Variants in GFRA1 observed in about 807,000 individuals in gnomAD.
GFRA1 encodes GDNF family receptor alpha-1.
In GFRA1, 16 loss-of-function variants were observed where a neutral mutation model predicts 51.6. The observed-to-expected ratio is 0.31, with a 90% CI of 0.21 to 0.47. GFRA1 has a LOEUF of 0.47. Ranked by LOEUF, GFRA1 falls within the 20% of genes least tolerant of loss-of-function variation. GFRA1 has a pLI of 1.00. For synonymous variants in GFRA1, 270 were observed against 241.3 expected, an observed-to-expected ratio of 1.12 and a Z score of -1.10; for missense variants, 530 against 594.3, an observed-to-expected ratio of 0.89 and a Z score of 1.13.
intron 4 of GFRA1, chr10:116,226,758 T>C: frequency 2.4e-6 from 1 of 421,304 alleles, no homozygotes; most frequent in Non-Finnish European, 4.8e-6. Context: ...ATAGAACCAG[T>C]GGCAGCCCTG....
At chr10:116,132,933 G>C (rs1361532285) in intron 5 of GFRA1, among the ~76,000 whole-genome samples, 1 of 151,958 alleles carries the variant, frequency 6.6e-6, no homozygotes, top group African/African-American at 2.4e-5. Context: ...CGCCTGCGTG[G>C]GAAGGCTTCT....
At chr10:116,249,652 C>A (rs543993755) in intron 4 of GFRA1, among the ~76,000 whole-genome samples, 1 of 152,264 alleles carries the variant, frequency 6.6e-6, no homozygotes, top group East Asian at 1.9e-4. Context: ...TGCTGGGCAC[C>A]AAATAGCTAT....
rs951383170 is a variant in GFRA1, at chr10:116,093,636, G to C, written c.1015+66C>G. 5 of 1,419,914 alleles carry C rather than the reference G, an allele frequency of 3.5e-6. No individual in the cohort carries two copies. In the African/African-American group the frequency reaches 5.6e-5, roughly 16 times the overall value. 88.0% of individuals were successfully genotyped at this position (1,419,914 alleles called of 1,614,324 possible). A position where few individuals can be genotyped will look rare whatever the true frequency, so the allele number is the denominator to read the frequency against. ...AGAGGTACAGGCACAAGGTACAAGA[G>C]GTACAGCTGGAGCTCGGAGAAGAAA... On this transcript the variant is annotated intron_variant, in intron 8 of 10. Coordinates refer to ENST00000355422, the MANE Select transcript of GFRA1 (RefSeq NM_005264.8).
chr10:116,168,671 TC>T (rs1177480386), intron 5 of GFRA1, among the ~76,000 whole-genome samples: 2 of 152,108 alleles, frequency 1.3e-5, no homozygotes, highest in Non-Finnish European at 2.9e-5. Context: ...AACAAGAAAT[TC>T]TTTTAGGGCC....
At chr10:116,186,646 C>G (rs1962748106) in intron 5 of GFRA1, among the ~76,000 whole-genome samples, 1 of 150,714 alleles carries the variant, frequency 6.6e-6, no homozygotes, top group Non-Finnish European at 1.5e-5. Flanking sequence ...TTTCTGTCTA[C>G]ACATGGGGGG....
chr10:116,259,519 A>G (rs1399639002), intron 4 of GFRA1, among the ~76,000 whole-genome samples: 2 of 152,152 alleles, frequency 1.3e-5, no homozygotes, highest in African/African-American at 4.8e-5. Context: ...CGTGTTCTGG[A>G]TTTTGGTTGT....
chr10:116,096,607 T>A, intron 7 of GFRA1, 48 bp downstream of exon 7: 2 of 989,056 alleles, frequency 2.0e-6, no homozygotes, highest in Non-Finnish European at 3.2e-6. Flanking sequence ...AGAACGCAGG[T>A]ATATGCAAAC....
chr10:116,235,034 C>T (rs1264182761), intron 4 of GFRA1, among the ~76,000 whole-genome samples: 1 of 152,132 alleles, frequency 6.6e-6, no homozygotes, highest in Admixed American at 6.5e-5. Context: ...CTGAGGCCTC[C>T]CCAGCCATGC....
chr10:116,220,294 C>T (rs1471644605), intron 4 of GFRA1, among the ~76,000 whole-genome samples: 1 of 152,146 alleles, frequency 6.6e-6, no homozygotes, highest in Non-Finnish European at 1.5e-5. Flanking sequence ...CCCCAACGCA[C>T]CCACCCAACA....
At chr10:116,250,842 G>A (rs564008364) in intron 4 of GFRA1, among the ~76,000 whole-genome samples, 4 of 152,166 alleles carry the variant, frequency 2.6e-5, no homozygotes, top group South Asian at 2.1e-4. Context: ...ACAGGGCAGC[G>A]GAAGGAGATA....
intron 5 of GFRA1, among the ~76,000 whole-genome samples, chr10:116,176,726 C>CTCCT (rs66897810): frequency 1.4e-3 from 181 of 130,608 alleles, no homozygotes; most frequent in Middle Eastern, 3.9e-3. Flanking sequence ...CCCTCCCTCC[C>CTCCT]TCCTTCCTTC....
chr10:116,088,014 G>A (rs564280515), intron 9 of GFRA1, among the ~76,000 whole-genome samples: 4 of 152,180 alleles, frequency 2.6e-5, no homozygotes, highest in African/African-American at 9.6e-5. Context: ...GTTTGACCTT[G>A]GGCTGTGCCA....
chr10:116,108,543 C>CT (rs112083745), intron 6 of GFRA1, among the ~76,000 whole-genome samples: 27,246 of 152,120 alleles, frequency 0.18, 2,483 homozygotes, highest in Middle Eastern at 0.23. Flanking sequence ...AATGTTTCTC[C>CT]TTTTTTTATT....
rs1248543577 is a variant in GFRA1 at position 116,060,771 on chromosome 10, C to A, written c.*3627G>T. On this transcript the variant is annotated 3_prime_UTR_variant, in exon 11 of 11. Transcript: ENST00000355422. ...AACACGTGAATTCATTTAAGCAGCC[C>A]TTTTCTGGTCCACAGTTTATTGATT... 6.6e-6 allele frequency: 1 copy of A among 152,056 alleles called. No individual in the cohort carries two copies. Among genetic ancestry groups the A allele is most frequent in the African/African-American group, 2.4e-5 (1 of 41,360 alleles). The allele number at this position is 152,056 out of a possible 1,614,324, so 9.4% of individuals were successfully genotyped here.
At chr10:116,065,306 T>C (rs532599921) in intron 10 of GFRA1, among the ~76,000 whole-genome samples, 4 of 152,176 alleles carry the variant, frequency 2.6e-5, no homozygotes, top group Non-Finnish European at 5.9e-5. Flanking sequence ...TTTACATGAC[T>C]GTGATCACAG....
At chr10:116,189,208 T>C (rs1963027216) in intron 5 of GFRA1, among the ~76,000 whole-genome samples, 2 of 151,886 alleles carry the variant, frequency 1.3e-5, no homozygotes, top group African/African-American at 4.8e-5. Context: ...AAAGGTGGGA[T>C]ACACCTTCTT....
intron 7 of GFRA1, among the ~76,000 whole-genome samples, chr10:116,094,135 G>C (rs901500206): frequency 1.3e-5 from 2 of 152,114 alleles, no homozygotes; most frequent in African/African-American, 2.4e-5. Flanking sequence ...CTTAGAGAAC[G>C]CATGAGTTGC....
chr10:116,202,105 A>G (rs1964381379), intron 5 of GFRA1, among the ~76,000 whole-genome samples: 2 of 152,162 alleles, frequency 1.3e-5, no homozygotes, highest in Non-Finnish European at 2.9e-5. Context: ...TATGTGCTCA[A>G]CACTGCACTG....
intron 6 of GFRA1, among the ~76,000 whole-genome samples, chr10:116,102,162 G>A (rs1244469366): frequency 3.3e-5 from 5 of 152,174 alleles, no homozygotes; most frequent in African/African-American, 9.7e-5. Flanking sequence ...ACAGGAACAG[G>A]AACTGCCAAC....
Sources: allele counts gnomAD v4.1 joint callset (sites outside exome capture counted in the v4.1 genomes callset), GRCh38; gene constraint gnomAD v4.1.1; transcripts MANE v1.5; gene names NCBI Gene and HGNC (gene_info 2026-07-23, HGNC 2026-07-21).